REV1: variants seen among roughly 807,000 people sequenced by gnomAD.
REV1 encodes REV1 DNA directed polymerase.
REV1 carries 42 observed loss-of-function variants against 137.4 expected under a neutral mutation model. That is an observed-to-expected ratio of 0.31 (90% CI 0.24 to 0.40). The LOEUF (loss-of-function observed/expected upper bound fraction) is 0.40. Among genes scored for constraint, REV1 ranks in the 10% least tolerant of loss-of-function variants. The pLI, the probability that REV1 is intolerant of heterozygous loss-of-function variation, is 1.00. For missense variants in REV1, 1,282 were observed against 1,490.1 expected (o/e 0.86, Z 2.30); for synonymous variants, 524 against 519.2 (o/e 1.01, Z -0.12).
rs770076069 is a variant in REV1 at position 99,401,372 on chromosome 2, A to T, written c.3645-20T>A. ...ATCAGCCTAAAGGTGGGGAGAGAAG[A>T]AATGTCATTAGGAATTAGGAAAGGT... On this transcript the variant is annotated intron_variant, in intron 22 of 22. Coordinates refer to ENST00000258428, the MANE Select transcript of REV1 (RefSeq NM_016316.4). The T allele has an allele frequency of 3.3e-6, 5 of 1,530,634 alleles. No individual in the cohort carries two copies. The East Asian group carries it at 1.1e-4, about 34-fold the overall frequency. 94.8% of individuals were successfully genotyped at this position (1,530,634 alleles called of 1,614,324 possible).
intron 3 of REV1, among the ~76,000 whole-genome samples, chr2:99,452,270 G>GA (rs1456766649): frequency 2.6e-5 from 4 of 151,602 alleles, no homozygotes; most frequent in East Asian, 1.9e-4. Context: ...ACAAAATATG[G>GA]AAAAAAATTA....
At chr2:99,433,646 T>C (rs1336363597) in intron 8 of REV1, among the ~76,000 whole-genome samples, 1 of 152,186 alleles carries the variant, frequency 6.6e-6, no homozygotes, top group Non-Finnish European at 1.5e-5. Flanking sequence ...CTGGGTAATA[T>C]ATTTCTGAGA....
At chr2:99,481,405 G>A (rs1049081260) in intron 1 of REV1, among the ~76,000 whole-genome samples, 7 of 152,166 alleles carry the variant, frequency 4.6e-5, no homozygotes, top group Admixed American at 3.9e-4. Context: ...AAAATGTTAT[G>A]TAGTAATTCT....
intron 1 of REV1, among the ~76,000 whole-genome samples, chr2:99,489,264 A>T (rs1178135013): frequency 6.6e-6 from 1 of 152,180 alleles, no homozygotes; most frequent in Non-Finnish European, 1.5e-5. Flanking sequence ...TCTGGGATGC[A>T]CCGGGGACGT....
At position 99,424,657 on chromosome 2, in the gene REV1, CT is replaced by C. The variant is rs1268670568; in HGVS notation, c.1548-378del. ...GCTGTCAAAAAGAGGTTTTCTTCCC[CT>C]AATACAAGGCACAGTTTGGCCAGGG... On this transcript the variant is annotated intron_variant, in intron 9 of 22. Transcript: ENST00000258428. 4 of 890,986 alleles carry C rather than the reference CT, an allele frequency of 4.5e-6. No homozygotes were observed. In the African/African-American group the frequency reaches 5.3e-5, roughly 12 times the overall value. The allele number at this position is 890,986 out of a possible 1,614,324, so 55.2% of individuals were successfully genotyped here. A position where few individuals can be genotyped will look rare whatever the true frequency, so the allele number is the denominator to read the frequency against.
At position 99,462,592 on chromosome 2, in the gene REV1, A is replaced by G; in HGVS notation, c.85T>C (p.Leu29=). 1 of 1,613,178 alleles carries G rather than the reference A, an allele frequency of 6.2e-7. No individual in the cohort carries two copies. The highest frequency in any genetic ancestry group is 8.5e-7 in the Non-Finnish European group (1 of 1,179,804). The part of the protein sequence containing the change: ...GGYMAAKVQK[L]EEQFRSDAAM... ...GCATCTGATCGAAACTGTTCCTCCAATTTCTGGACCTTGGCAGCCATATAC... is the reference window on the plus strand; with the variant it reads ...GCATCTGATCGAAACTGTTCCTCCAGTTTCTGGACCTTGGCAGCCATATAC... The change falls in exon 3 of 23, where the codon TTG becomes CTG. Residue 29 remains leucine (L), a synonymous_variant. Coordinates refer to ENST00000258428, the MANE Select transcript of REV1 (RefSeq NM_016316.4).
chr2:99,402,508 G>T (rs1675612165), intron 21 of REV1, 136 bp downstream of exon 21: 1 of 944,564 alleles, frequency 1.1e-6, no homozygotes, highest in Non-Finnish European at 1.6e-6. Context: ...GAATTTAAAA[G>T]ATTTGGGGGT....
At position 99,471,775 on chromosome 2, in the gene REV1, T is replaced by TA. The variant is rs1348845449; in HGVS notation, c.-10-6791dup. ...TGAACAGACACTTCTCTAAAGAAGA[T>TA]AGACAAATGGCCAATAAGCACACAA... On this transcript the variant is annotated intron_variant, in intron 1 of 22. Coordinates refer to ENST00000258428, the MANE Select transcript of REV1 (RefSeq NM_016316.4). Among the ~76,000 whole-genome samples the TA allele has an allele frequency of 1.3e-4, 19 of 149,484 alleles. No homozygotes were observed. In the South Asian group the frequency reaches 3.8e-3, roughly 30 times the overall value.
intron 1 of REV1, among the ~76,000 whole-genome samples, chr2:99,480,918 A>T (rs1686541237): frequency 6.6e-6 from 1 of 152,242 alleles, no homozygotes; most frequent in African/African-American, 2.4e-5. Context: ...GTCTTATTCA[A>T]TGTAACAATT....
At chr2:99,472,445 T>G (rs1685523493) in intron 1 of REV1, among the ~76,000 whole-genome samples, 1 of 152,182 alleles carries the variant, frequency 6.6e-6, no homozygotes, top group East Asian at 1.9e-4. Flanking sequence ...GTTCTGGAGA[T>G]GGATAGTGGT....
chr2:99,454,988 C>T (rs1441350633), intron 3 of REV1, among the ~76,000 whole-genome samples: 3 of 152,224 alleles, frequency 2.0e-5, no homozygotes, highest in Non-Finnish European at 4.4e-5. Context: ...ATGAAGACCA[C>T]TTTCACGTCT....
At chr2:99,445,744 C>T (rs1470740170) in intron 4 of REV1, among the ~76,000 whole-genome samples, 1 of 152,138 alleles carries the variant, frequency 6.6e-6, no homozygotes, top group Non-Finnish European at 1.5e-5. Context: ...TAATTTCACA[C>T]TTTAATGTAC....
chr2:99,483,102 C>T (rs1686795834), intron 1 of REV1, among the ~76,000 whole-genome samples: 1 of 149,252 alleles, frequency 6.7e-6, no homozygotes, highest in Non-Finnish European at 1.5e-5. Context: ...AAGTTCAGAA[C>T]TGTCCAGGTT....
Position 99,462,638 on chromosome 2 carries a change from A to G in REV1, c.55-16T>C. On this transcript the variant is annotated splice_polypyrimidine_tract_variant and intron_variant, in intron 2 of 22. Transcript: ENST00000258428. ...TATACCCACCCTAGAATTAAAGAAA[A>G]GGTAAACCAATCACAAAGGTTACAT... 5 of 1,587,214 alleles carry G rather than the reference A, an allele frequency of 3.2e-6. No individual in the cohort carries two copies. Among genetic ancestry groups the G allele is most frequent in the Non-Finnish European group, 4.3e-6 (5 of 1,173,968 alleles).
chr2:99,431,657 G>T, intron 8 of REV1: 1 of 851,206 alleles, frequency 1.2e-6, no homozygotes, highest in Non-Finnish European at 1.4e-6. Context: ...CTTGAGGAGA[G>T]AACAGTCTCT....
At chr2:99,410,215 T>C (rs552927086) in intron 14 of REV1, among the ~76,000 whole-genome samples, 16 of 152,184 alleles carry the variant, frequency 1.1e-4, no homozygotes, top group Admixed American at 3.9e-4. Context: ...TTCACCATGT[T>C]GGCCAGGCTG....
At chr2:99,457,988 A>G (rs1283780351) in intron 3 of REV1, among the ~76,000 whole-genome samples, 1 of 152,204 alleles carries the variant, frequency 6.6e-6, no homozygotes, top group African/African-American at 2.4e-5. Flanking sequence ...TTCAATGTAA[A>G]ACATAAAACT....
chr2:99,413,024 C>T, intron 12 of REV1, 73 bp from the exon 13 acceptor site: 1 of 1,003,066 alleles, frequency 1.0e-6, no homozygotes, highest in Non-Finnish European at 1.6e-6. Flanking sequence ...AAATACCCAC[C>T]ATTTATGCAC....
rs778012841 is a variant in REV1 at position 99,464,965 on chromosome 2, C to T, written c.11G>A (p.Gly4Asp). The T allele has an allele frequency of 1.2e-6, 2 of 1,613,386 alleles. No individual in the cohort carries two copies. Among genetic ancestry groups the T allele is most frequent in the Non-Finnish European group, 8.5e-7 (1 of 1,179,612 alleles). The change falls in exon 2 of 23, where the codon GGT becomes GAT. Residue 4 changes from glycine to aspartate, a missense_variant. Around this residue, in one of 7 missense-constraint regions of REV1, gnomAD observed 107 missense variants for 164.3 expected, o/e 0.65. Transcript: ENST00000258428. ...ATTTTCAGCTCGCTTCCTCCATCCA[C>T]CTCGCCTCATGGTGGAGCTTCTGTA... is the stretch of plus-strand genomic sequence containing the variant. MRR[G>D]GWRKRAENDG...
Sources: gnomAD v4.1 joint callset for allele counts (sites outside exome capture counted in the v4.1 genomes callset) on GRCh38, gnomAD v4.1.1 for gene constraint, gnomAD v4.1.1 regional missense constraint, MANE v1.5 for transcripts, NCBI Gene and HGNC (gene_info 2026-07-23, HGNC 2026-07-21) for gene names.